Variants in SLC25A37 observed in about 807,000 individuals in gnomAD.
SLC25A37 encodes solute carrier family 25 member 37, also known as mitoferrin-1.
A neutral mutation model predicts 31.0 loss-of-function variants in SLC25A37; 17 were observed. The observed-to-expected ratio is 0.55, with a 90% confidence interval of 0.38 to 0.82. SLC25A37 has a LOEUF of 0.82. Among genes scored for constraint, SLC25A37 ranks in the 40% least tolerant of loss-of-function variants. The pLI is 0.00. For missense variants in SLC25A37, 404 were observed against 465.8 expected (o/e 0.87, Z 1.22); for synonymous variants, 222 against 193.0 (o/e 1.15, Z -1.24).
At chr8:23,560,088 G>A (rs1802474059) in intron 1 of SLC25A37, among the ~76,000 whole-genome samples, 1 of 152,106 alleles carries the variant, frequency 6.6e-6, no homozygotes, top group Non-Finnish European at 1.5e-5. Context: ...ACCAGCCTGA[G>A]CAACATAGTA....
chr8:23,529,197 G>C lies in SLC25A37; in HGVS notation c.195G>C (p.Pro65=), dbSNP rs1362449996. Residue 65 remains proline, a synonymous_variant, in exon 1 of 4, where the codon CCG becomes CCC. Coordinates refer to ENST00000519973, the MANE Select transcript of SLC25A37 (RefSeq NM_016612.4). This position sits in a 1 kb window ranked among gnomAD's most constrained non-coding sequence, Gnocchi z 4.1. ...AGILEHSVMY[P]VDSVKTRMQS... ...TCCTGGAGCACTCGGTCATGTACCC[G>C]GTGGACTCGGTGAAGGTGAGGCGCG... 8 of 1,608,812 alleles carry C rather than the reference G, an allele frequency of 5.0e-6. No homozygotes were observed. The highest frequency in any genetic ancestry group is 1.3e-5 in the African/African-American group (1 of 74,322).
In SLC25A37 at chr8:23,533,721, T is replaced by TCTTGTCA. The variant is rs1391354369; in HGVS notation, c.210+4510_210+4516dup. Among the ~76,000 whole-genome samples, 30 of 152,326 alleles carry TCTTGTCA rather than the reference T, an allele frequency of 2.0e-4. 3 individuals are homozygous for TCTTGTCA. Among genetic ancestry groups the TCTTGTCA allele is most frequent in the Admixed American group, 1.6e-3 (24 of 15,300 alleles). Reference sequence around the variant, plus strand: ...CTGTCTCCACTAGTACGGAACCTTTTCTTGTCAAAGAATTTGTGTTTTTGT... The same window carrying TCTTGTCA: ...CTGTCTCCACTAGTACGGAACCTTTTCTTGTCACTTGTCAAAGAATTTGTGTTTTTGT... On this transcript the variant is annotated intron_variant, in intron 1 of 3. Coordinates refer to ENST00000519973, the MANE Select transcript of SLC25A37 (RefSeq NM_016612.4).
chr8:23,552,191 T>C (rs1181609227), intron 1 of SLC25A37, among the ~76,000 whole-genome samples: 3 of 152,170 alleles, frequency 2.0e-5, no homozygotes, highest in African/African-American at 7.2e-5. Context: ...GTGGTGGTTT[T>C]CTCCCTACCA....
chr8:23,537,914 T>G (rs951775681), intron 1 of SLC25A37, among the ~76,000 whole-genome samples: 4 of 152,184 alleles, frequency 2.6e-5, no homozygotes, highest in Non-Finnish European at 4.4e-5. Flanking sequence ...TTGCCTTGCA[T>G]GTAAAGCCCG....
At chr8:23,550,104 C>T (rs1802181044) in intron 1 of SLC25A37, among the ~76,000 whole-genome samples, 1 of 132,996 alleles carries the variant, frequency 7.5e-6, no homozygotes, top group East Asian at 2.6e-4. Flanking sequence ...TCGCTTGAAC[C>T]CGGGAGGCGG....
In SLC25A37 at chr8:23,571,508, G is replaced by C. The variant is rs777478555; in HGVS notation, c.670G>C (p.Glu224Gln). 6.2e-7 allele frequency: 1 copy of C among 1,613,932 alleles called. No homozygotes were observed. The highest frequency in any genetic ancestry group is 8.5e-7 in the Non-Finnish European group (1 of 1,179,882). The stretch of plus-strand genomic sequence containing the variant: ...CTTCATCACCTATGAGTTCCTGCAG[G>C]AGCAGGTCAACCCCCACCGGACCTA... ...IHFITYEFLQ[E>Q]QVNPHRTYNP... Residue 224 changes from glutamate (E) to glutamine (Q), a missense_variant, in exon 4 of 4, where the codon GAG (glutamate) becomes CAG (glutamine). By Grantham distance (29) the Glu-to-Gln change is conservative. This residue lies in a region of SLC25A37 where 243 missense variants were observed against 284.4 expected (regional missense o/e 0.85). Coordinates refer to ENST00000519973, the MANE Select transcript of SLC25A37 (RefSeq NM_016612.4).
chr8:23,571,549 C>T lies in SLC25A37; in HGVS notation c.711C>T (p.His237=). 3.1e-6 allele frequency: 5 copies of T among 1,613,952 alleles called. No homozygotes were observed. Among genetic ancestry groups the T allele is most frequent in the African/African-American group, 1.3e-5 (1 of 75,066 alleles). Residue 237 remains histidine (H), a synonymous_variant, in exon 4 of 4, where the codon CAC becomes CAT. Coordinates refer to ENST00000519973, the MANE Select transcript of SLC25A37 (RefSeq NM_016612.4). The stretch of plus-strand genomic sequence containing the variant: ...ACCGGACCTACAACCCGCAGTCCCA[C>T]ATCATCTCAGGCGGGCTGGCCGGGG... ...NPHRTYNPQS[H]IISGGLAGAL...
At chr8:23,546,558 A>ATATATATATATATATATATAGTG (rs1563256112) in intron 1 of SLC25A37, among the ~76,000 whole-genome samples, 731 of 32,508 alleles carry the variant, frequency 0.022, 3 homozygotes, top group Non-Finnish European at 0.032. Context: ...TATATAGTGT[A>ATATATATATATATATATATAGTG]TATATATATA....
At chr8:23,531,206 C>A (rs1801654552) in intron 1 of SLC25A37, among the ~76,000 whole-genome samples, 2 of 152,224 alleles carry the variant, frequency 1.3e-5, no homozygotes, top group African/African-American at 2.4e-5. Flanking sequence ...GTGCCAAGGT[C>A]TGCCAACATC....
intron 1 of SLC25A37, among the ~76,000 whole-genome samples, chr8:23,558,562 A>G (rs1802427513): frequency 6.6e-6 from 1 of 152,220 alleles, no homozygotes; most frequent in South Asian, 2.1e-4. Flanking sequence ...CCAGTGAGAC[A>G]GGCCTTTCCT....
chr8:23,566,683 T>G, intron 2 of SLC25A37: 1 of 1,010,590 alleles, frequency 9.9e-7, no homozygotes, highest in Non-Finnish European at 1.2e-6. Context: ...GGAGAAACCC[T>G]GAATAGAAAC....
intron 1 of SLC25A37, among the ~76,000 whole-genome samples, chr8:23,533,911 T>G (rs1368766594): frequency 1.3e-5 from 2 of 151,310 alleles, no homozygotes; most frequent in African/African-American, 4.9e-5. Context: ...GAGGGGTATA[T>G]CCAATCTCTT....
rs554980682 is a variant in SLC25A37, at chr8:23,539,696, G to A, written c.210+10484G>A. 1.9e-4 allele frequency among the ~76,000 whole-genome samples: 29 copies of A among 152,272 alleles called. 2 individuals carry two copies. In the South Asian group the frequency reaches 5.8e-3, roughly 30 times the overall value. On this transcript the variant is annotated intron_variant, in intron 1 of 3. Transcript: ENST00000519973. ...GTCATCTACTTTACCTTTTTGACAG[G>A]GCTGTTGGGAAGCTTAGGTGAGATA... is the stretch of plus-strand genomic sequence containing the variant.
intron 1 of SLC25A37, among the ~76,000 whole-genome samples, chr8:23,542,511 C>G (rs149192037): frequency 2.1e-4 from 32 of 151,448 alleles, no homozygotes; most frequent in Non-Finnish European, 4.1e-4. Flanking sequence ...CCCAGAGTAG[C>G]TGAGATTACA....
Position 23,565,489 on chromosome 8 carries a change from T to TA in SLC25A37, c.211-606dup, listed in dbSNP as rs34506562. Among the ~76,000 whole-genome samples, 674 of 147,568 alleles carry TA rather than the reference T, an allele frequency of 4.6e-3. 4 individuals carry two copies. Among genetic ancestry groups the TA allele is most frequent in the Non-Finnish European group, 5.2e-3 (348 of 67,212 alleles). On this transcript the variant is annotated intron_variant, in intron 1 of 3. Transcript: ENST00000519973. ...CTTTCTTAACAAACTTGCTTTTACT[T>TA]AAAAAAAAAAAAAGAAATTAAGAAC...
intron 1 of SLC25A37, among the ~76,000 whole-genome samples, chr8:23,539,239 G>A (rs901688601): frequency 1.3e-5 from 2 of 152,210 alleles, no homozygotes; most frequent in African/African-American, 2.4e-5. Flanking sequence ...ACGTCTGGCC[G>A]TGTGGGTCAA....
chr8:23,559,063 C>T (rs1325769272), intron 1 of SLC25A37, among the ~76,000 whole-genome samples: 1 of 152,184 alleles, frequency 6.6e-6, no homozygotes, highest in Non-Finnish European at 1.5e-5. Context: ...TGTGTTTGGT[C>T]AGGTGTCTCT....
At chr8:23,558,970 ACT>A (rs1278104964) in intron 1 of SLC25A37, among the ~76,000 whole-genome samples, 2 of 151,688 alleles carry the variant, frequency 1.3e-5, no homozygotes, top group South Asian at 2.1e-4. Flanking sequence ...GGTCTTTCTG[ACT>A]CTCTCTGACA....
At chr8:23,567,038 T>C (rs1019606834) in intron 2 of SLC25A37, 1 of 156,600 alleles carries the variant, frequency 6.4e-6, no homozygotes, top group Non-Finnish European at 1.4e-5. Context: ...GCATGTTTTA[T>C]TGGGGAGGGC....
Sources: allele counts gnomAD v4.1 joint callset (sites outside exome capture counted in the v4.1 genomes callset), GRCh38; gene constraint gnomAD v4.1.1; regional missense constraint gnomAD v4.1.1; non-coding constraint Gnocchi (gnomAD v3.1); transcripts MANE v1.5; gene names NCBI Gene and HGNC (gene_info 2026-07-23, HGNC 2026-07-21).